The following PGM2 variants were observed in gnomAD, a reference collection of about 807,000 sequenced individuals.
PGM2 encodes phosphopentomutase.
Under a neutral mutation model 74.6 loss-of-function variants are expected in PGM2, and 57 were observed. That is an observed-to-expected ratio of 0.76 (90% confidence interval 0.62 to 0.95). The LOEUF is 0.95. PGM2 is among the 40% of genes least tolerant of loss of function. The pLI is 0.00. For missense variants in PGM2, 706 were observed against 741.9 expected (o/e 0.95, Z 0.56); for synonymous variants, 273 against 260.7 (o/e 1.05, Z -0.46).
At chr4:37,860,240 G>A (rs1711721324) in intron 13 of PGM2, among the ~76,000 whole-genome samples, 1 of 152,118 alleles carries the variant, frequency 6.6e-6, no homozygotes, top group Non-Finnish European at 1.5e-5. Flanking sequence ...TTTCTTCAAA[G>A]CACATTTATG....
intron 12 of PGM2, among the ~76,000 whole-genome samples, chr4:37,852,595 A>G (rs548128802): frequency 7.2e-5 from 11 of 152,122 alleles, no homozygotes; most frequent in Non-Finnish European, 1.5e-4. Context: ...CTCACACTTC[A>G]CTGACTCACA....
intron 13 of PGM2, among the ~76,000 whole-genome samples, chr4:37,861,034 A>G (rs1359198025): frequency 1.3e-5 from 2 of 152,172 alleles, no homozygotes; most frequent in African/African-American, 4.8e-5. Context: ...CTTTATAGAC[A>G]AGGCTGGAGC....
At position 37,857,458 on chromosome 4, in the gene PGM2, AAGG is replaced by A. The variant is rs1259285372; in HGVS notation, c.1736+1720_1736+1722del. 2.0e-5 allele frequency among the ~76,000 whole-genome samples: 3 copies of A among 152,334 alleles called. No individual in the cohort carries two copies. In the East Asian group the frequency reaches 5.8e-4, roughly 29 times the overall value. On this transcript the variant is annotated intron_variant, in intron 13 of 13. Coordinates refer to ENST00000381967, the MANE Select transcript of PGM2 (RefSeq NM_018290.4). ...GAAGTATAACAAACTTTTCTTAGGC[AAGG>A]AGAAGTGACTGCTGATAGCAAGAAA...
At chr4:37,860,411 G>C (rs1711733982) in intron 13 of PGM2, among the ~76,000 whole-genome samples, 1 of 152,182 alleles carries the variant, frequency 6.6e-6, no homozygotes, top group Non-Finnish European at 1.5e-5. Flanking sequence ...ATCGCAATCT[G>C]TACAGAAACT....
chr4:37,840,648 G>A (rs1023217747), intron 6 of PGM2, among the ~76,000 whole-genome samples: 1 of 152,160 alleles, frequency 6.6e-6, no homozygotes, highest in African/African-American at 2.4e-5. Context: ...GCCTCCCAAA[G>A]TGCTGAGATT....
chr4:37,855,720 T>A lies in PGM2; in HGVS notation c.1715T>A (p.Leu572Gln). Residue 572 changes from leucine (L) to glutamine (Q), a missense_variant, in exon 13 of 14, where the codon CTG (leucine) becomes CAG (glutamine). By Grantham distance (113) the Leu-to-Gln change is moderately radical. Around this residue, in one of 3 missense-constraint regions of PGM2, gnomAD observed 359 missense variants for 371.1 expected, o/e 0.97. Coordinates refer to ENST00000381967, the MANE Select transcript of PGM2 (RefSeq NM_018290.4). ...TEPKIKYYAE[L>Q]CAPPGNSDPE... is the part of the protein sequence containing the mutation. ...CCCAAAATCAAGTACTATGCAGAGCTGTGTGCCCCACCTGGGAACAGGTAT... is the reference window on the plus strand; with the variant it reads ...CCCAAAATCAAGTACTATGCAGAGCAGTGTGCCCCACCTGGGAACAGGTAT... 2 of 1,611,254 alleles carry A rather than the reference T, an allele frequency of 1.2e-6. No homozygotes were observed. Among genetic ancestry groups the A allele is most frequent in the Non-Finnish European group, 1.7e-6 (2 of 1,178,876 alleles).
intron 13 of PGM2, among the ~76,000 whole-genome samples, chr4:37,859,510 A>G (rs1276633019): frequency 5.3e-5 from 8 of 152,172 alleles, no homozygotes; most frequent in Admixed American, 5.2e-4. Flanking sequence ...GGAAAACCTC[A>G]GTTCCATTCC....
chr4:37,848,326 A>G (rs916220115), intron 10 of PGM2, among the ~76,000 whole-genome samples, 196 bp from the exon 11 acceptor site: 1 of 152,244 alleles, frequency 6.6e-6, no homozygotes, highest in Admixed American at 6.5e-5. Context: ...AAAATCTTGC[A>G]GGTTCTTCAG....
chr4:37,839,534 A>G, intron 4 of PGM2: 1 of 509,704 alleles, frequency 2.0e-6, no homozygotes, highest in Non-Finnish European at 3.8e-6. Flanking sequence ...CATTGAAAGC[A>G]TTGGAATGGA....
At chr4:37,858,770 G>T (rs1711655069) in intron 13 of PGM2, among the ~76,000 whole-genome samples, 5 of 152,046 alleles carry the variant, frequency 3.3e-5, no homozygotes, top group African/African-American at 1.2e-4. Context: ...CAACTAAAAT[G>T]GAAAATCCTT....
intron 6 of PGM2, among the ~76,000 whole-genome samples, chr4:37,843,768 C>T (rs997179839): frequency 6.6e-6 from 1 of 152,018 alleles, no homozygotes; most frequent in Admixed American, 6.5e-5. Context: ...CACCACCATG[C>T]CCAGCTAATT....
intron 11 of PGM2, 78 bp downstream of exon 11, chr4:37,848,729 T>C (rs192920730): frequency 9.5e-7 from 1 of 1,057,186 alleles, no homozygotes; most frequent in African/African-American, 1.6e-5. Context: ...GAGATACTAA[T>C]ATCCTTTCTA....
Position 37,855,613 on chromosome 4 carries a change from TC to T in PGM2, c.1611del (p.Thr538LeufsTer7). ...DSQPDKKAVL[P>X]TSKSSQMITF... ...ATGTGTGCATTAATTCCTAGGTTCTTCCCACTAGTAAAAGCAGCCAAATGAT... is the reference window on the plus strand; with the variant it reads ...ATGTGTGCATTAATTCCTAGGTTCTTCCACTAGTAAAAGCAGCCAAATGAT... On this transcript the variant is annotated frameshift_variant, in exon 13 of 14. Coordinates refer to ENST00000381967, the MANE Select transcript of PGM2 (RefSeq NM_018290.4). LOFTEE classifies it high-confidence loss of function. The T allele has an allele frequency of 6.2e-7, 1 of 1,613,558 alleles. No individual in the cohort carries two copies. The highest frequency in any genetic ancestry group is 8.5e-7 in the Non-Finnish European group (1 of 1,179,732).
chr4:37,858,483 T>C (rs1319916831), intron 13 of PGM2, among the ~76,000 whole-genome samples: 1 of 151,190 alleles, frequency 6.6e-6, no homozygotes, highest in Non-Finnish European at 1.5e-5. Flanking sequence ...ATTACAGATA[T>C]GCACCACCAC....
intron 6 of PGM2, among the ~76,000 whole-genome samples, chr4:37,840,564 T>C (rs1353801073): frequency 1.3e-5 from 2 of 152,098 alleles, no homozygotes; most frequent in Middle Eastern, 3.2e-3. Flanking sequence ...TTTGTATTTT[T>C]AGTAGAGACA....
Position 37,862,201 on chromosome 4 carries a change from A to G in PGM2, c.*589A>G, listed in dbSNP as rs1246228125. On this transcript the variant is annotated 3_prime_UTR_variant, in exon 14 of 14. Coordinates refer to ENST00000381967, the MANE Select transcript of PGM2 (RefSeq NM_018290.4). ...AACTAAATTTTTTTTAGTTCTAATAATGCACATAGGATATTAGTACATCGT... is the reference window on the plus strand; with the variant it reads ...AACTAAATTTTTTTTAGTTCTAATAGTGCACATAGGATATTAGTACATCGT... 2 of 152,466 alleles carry G rather than the reference A, an allele frequency of 1.3e-5. No individual in the cohort carries two copies. The highest frequency in any genetic ancestry group is 2.4e-5 in the African/African-American group (1 of 41,466). The allele number at this position is 152,466 out of a possible 1,614,324, so 9.4% of individuals were successfully genotyped here.
Position 37,861,699 on chromosome 4 carries a change from T to A in PGM2, c.*87T>A. Reference sequence around the variant, plus strand: ...GCAATATTTTTAAGGGCCAAATGATTCAAAACATCACAGGTATTTATGTGT... The same window carrying A: ...GCAATATTTTTAAGGGCCAAATGATACAAAACATCACAGGTATTTATGTGT... On this transcript the variant is annotated 3_prime_UTR_variant, in exon 14 of 14. Transcript: ENST00000381967. The A allele has an allele frequency of 1.3e-6, 1 of 782,332 alleles. No individual in the cohort carries two copies. The highest frequency in any genetic ancestry group is 2.3e-6 in the Non-Finnish European group (1 of 433,458). The allele number at this position is 782,332 out of a possible 1,614,324, so 48.5% of individuals were successfully genotyped here. A position where few individuals can be genotyped will look rare whatever the true frequency, so the allele number is the denominator to read the frequency against.
chr4:37,837,887 A>ATT (rs10710351), intron 4 of PGM2, among the ~76,000 whole-genome samples: 1 of 149,502 alleles, frequency 6.7e-6, no homozygotes, highest in South Asian at 2.1e-4. Context: ...GAGTCAGCAA[A>ATT]TTTTTTTTTT....
intron 6 of PGM2, among the ~76,000 whole-genome samples, chr4:37,840,796 T>C (rs1725688010): frequency 6.6e-6 from 1 of 152,154 alleles, no homozygotes; most frequent in Admixed American, 6.5e-5. Context: ...TCTCAGCTAC[T>C]CAACTCTGCT....
Sources: gnomAD v4.1 joint callset for allele counts (sites outside exome capture counted in the v4.1 genomes callset) on GRCh38, gnomAD v4.1.1 for gene constraint, gnomAD v4.1.1 regional missense constraint, MANE v1.5 for transcripts, NCBI Gene and HGNC (gene_info 2026-07-23, HGNC 2026-07-21) for gene names.